Variants in UNC13D observed in about 807,000 individuals in gnomAD.
UNC13D encodes protein unc-13 homolog D.
Under a neutral mutation model 151.7 loss-of-function variants are expected in UNC13D, and 115 were observed. The observed-to-expected ratio is 0.76, with a 90% CI of 0.65 to 0.88. UNC13D has a LOEUF of 0.88. UNC13D is among the 40% of genes least tolerant of loss of function. The pLI is 0.00. For missense variants in UNC13D, 1,369 were observed against 1,438.7 expected (o/e 0.95, Z 0.78); for synonymous variants, 588 against 612.2 (o/e 0.96, Z 0.58).
chr17:75,831,200 A>T (rs760788311), intron 26 of UNC13D, 31 bp from the exon 27 acceptor site: 1 of 1,613,694 alleles, frequency 6.2e-7, no homozygotes, highest in Non-Finnish European at 8.5e-7. Flanking sequence ...GACCCCAGGC[A>T]CCCTCCCACC....
At position 75,834,718 on chromosome 17, in the gene UNC13D, T is replaced by G; in HGVS notation, c.1993-2A>C. On this transcript the variant is annotated splice_acceptor_variant, in intron 21 of 31. Transcript: ENST00000207549. LOFTEE classifies it high-confidence loss of function. ...CACCAGGGCCAGGCGACAGGTGTCC[T>G]AGGGTGGGGTTGGACAGAGGGAACT... The G allele has an allele frequency of 6.2e-7, 1 of 1,613,316 alleles. No homozygotes were observed. Among genetic ancestry groups the G allele is most frequent in the Non-Finnish European group, 8.5e-7 (1 of 1,179,912 alleles).
In UNC13D at chr17:75,843,233, C is replaced by G; in HGVS notation, c.187G>C (p.Val63Leu). 1 of 1,610,868 alleles carries G rather than the reference C, an allele frequency of 6.2e-7. No homozygotes were observed. Among genetic ancestry groups the G allele is most frequent in the Non-Finnish European group, 8.5e-7 (1 of 1,179,956 alleles). The change falls in exon 3 of 32, where the codon GTC becomes CTC. Residue 63 changes from valine (V) to leucine (L), a missense_variant. By Grantham distance (32) the Val-to-Leu change is conservative. Around this residue, in one of 3 missense-constraint regions of UNC13D, gnomAD observed 550 missense variants for 609.0 expected, o/e 0.90. Transcript: ENST00000207549. Reference protein sequence around the residue: ...ALLYEDALYTVLHRLGHPEPN... With the variant: ...ALLYEDALYTLLHRLGHPEPN... ...TCAGGATGACCCAGGCGGTGCAAGA[C>G]AGTGTAGAGTGCGTCCTCGTAGAGC...
Position 75,842,573 on chromosome 17 carries a change from C to A in UNC13D, c.429G>T (p.Gly143=). 6.2e-7 allele frequency: 1 copy of A among 1,611,596 alleles called. No homozygotes were observed. The highest frequency in any genetic ancestry group is 2.2e-5 in the East Asian group (1 of 44,858). ...DPYCLLGIEQ[G]VGVPGGSPGS... is the part of the protein sequence containing the mutation. Reference sequence around the variant, plus strand: ...CGGGGCTGCCCCCTGGCACACCTACCCCCTGCTCAATGCCCAGCAGGCAGT... The same window carrying A: ...CGGGGCTGCCCCCTGGCACACCTACACCCTGCTCAATGCCCAGCAGGCAGT... The change falls in exon 6 of 32, where the codon GGG becomes GGT. Residue 143 remains glycine, a synonymous_variant. Transcript: ENST00000207549.
intron 5 of UNC13D, 60 bp downstream of exon 5, chr17:75,842,797 C>A: frequency 6.2e-7 from 1 of 1,608,200 alleles, no homozygotes; most frequent in Non-Finnish European, 8.5e-7. Context: ...CTGGGCCAGG[C>A]TGTGATGGGA....
At chr17:75,837,023 G>T (rs1404945539) in intron 12 of UNC13D, 105 bp from the exon 13 acceptor site, 5 of 513,206 alleles carry the variant, frequency 9.7e-6, no homozygotes, top group Non-Finnish European at 1.4e-5. Flanking sequence ...ACCAGTACAG[G>T]CTGAAAACTA....
chr17:75,836,927 G>T lies in UNC13D; in HGVS notation c.1056-9C>A, dbSNP rs1259170363. 4 of 1,611,812 alleles carry T rather than the reference G, an allele frequency of 2.5e-6. No individual in the cohort carries two copies. Among genetic ancestry groups the T allele is most frequent in the Admixed American group, 1.7e-5 (1 of 59,998 alleles). On this transcript the variant is annotated splice_polypyrimidine_tract_variant and intron_variant, in intron 12 of 31. Coordinates refer to ENST00000207549, the MANE Select transcript of UNC13D (RefSeq NM_199242.3). The stretch of plus-strand genomic sequence containing the variant: ...TGTAGGCCAGCCACTGCCTGCAGGG[G>T]ACAGGAAGCCCTCAGCTGGACAGGG...
chr17:75,828,646 C>T (rs954015648), intron 31 of UNC13D, 141 bp downstream of exon 31: 19 of 958,160 alleles, frequency 2.0e-5, no homozygotes, highest in East Asian at 5.7e-5. Flanking sequence ...TTGATTAGAC[C>T]GAGAGATGGG....
intron 30 of UNC13D, among the ~76,000 whole-genome samples, chr17:75,829,239 C>A (rs1431648379): frequency 6.6e-6 from 1 of 152,242 alleles, no homozygotes; most frequent in Admixed American, 6.5e-5. Flanking sequence ...AGAGACAGGA[C>A]CCTTCCCTGG....
In UNC13D at chr17:75,843,025, T is replaced by C. The variant is rs1370559593; in HGVS notation, c.310A>G (p.Arg104Gly). 2 of 1,609,904 alleles carry C rather than the reference T, an allele frequency of 1.2e-6. No homozygotes were observed. Among genetic ancestry groups the C allele is most frequent in the Non-Finnish European group, 1.7e-6 (2 of 1,179,002 alleles). Residue 104 changes from arginine (R) to glycine (G), a missense_variant, in exon 4 of 32, where the codon AGG (arginine) becomes GGG (glycine). Around this residue, in one of 3 missense-constraint regions of UNC13D, gnomAD observed 550 missense variants for 609.0 expected, o/e 0.90. Coordinates refer to ENST00000207549, the MANE Select transcript of UNC13D (RefSeq NM_199242.3). ...TGGCCCCAGGTTACCTCAAGCTCCC[T>C]GACCCGCTGCAGTGTCTGCTGGTGC... Reference protein sequence around the residue: ...EEHQQTLQRVRELEKPIFCLK... With the variant: ...EEHQQTLQRVGELEKPIFCLK...
chr17:75,842,622 G>T lies in UNC13D; in HGVS notation c.389-9C>A, dbSNP rs946234751. 4 of 1,611,176 alleles carry T rather than the reference G, an allele frequency of 2.5e-6. No individual in the cohort carries two copies. Among genetic ancestry groups the T allele is most frequent in the Non-Finnish European group, 3.4e-6 (4 of 1,179,850 alleles). ...GTAGGGGTCGCTGAACCCTGTGGAG[G>T]AGTGGGGAAGACGAGGCAGCCAGGG... On this transcript the variant is annotated splice_polypyrimidine_tract_variant and intron_variant, in intron 5 of 31. Coordinates refer to ENST00000207549, the MANE Select transcript of UNC13D (RefSeq NM_199242.3).
Position 75,830,679 on chromosome 17 carries a change from T to C in UNC13D, c.2626-18A>G. 6.4e-7 allele frequency: 1 copy of C among 1,553,382 alleles called. No individual in the cohort carries two copies. The highest frequency in any genetic ancestry group is 8.7e-7 in the Non-Finnish European group (1 of 1,148,780). On this transcript the variant is annotated intron_variant, in intron 27 of 31. Coordinates refer to ENST00000207549, the MANE Select transcript of UNC13D (RefSeq NM_199242.3). ...TGCAGAGCCTGGGAACACATACAGC[T>C]GAGGATCCACCTGGACTGCACGCCC...
At position 75,834,722 on chromosome 17, in the gene UNC13D, G is replaced by A. The variant is rs2064895196; in HGVS notation, c.1993-6C>T. On this transcript the variant is annotated splice_region_variant and splice_polypyrimidine_tract_variant and intron_variant, in intron 21 of 31. Transcript: ENST00000207549. Reference sequence around the variant, plus strand: ...AGGGCCAGGCGACAGGTGTCCTAGGGTGGGGTTGGACAGAGGGAACTGATC... The same window carrying A: ...AGGGCCAGGCGACAGGTGTCCTAGGATGGGGTTGGACAGAGGGAACTGATC... 6.2e-7 allele frequency: 1 copy of A among 1,613,470 alleles called. No homozygotes were observed. Among genetic ancestry groups the A allele is most frequent in the Non-Finnish European group, 8.5e-7 (1 of 1,179,948 alleles).
chr17:75,829,961 C>A, intron 30 of UNC13D, 67 bp downstream of exon 30: 1 of 1,553,388 alleles, frequency 6.4e-7, no homozygotes, highest in Non-Finnish European at 8.7e-7. Flanking sequence ...CCAGGAGGAG[C>A]AGGCCTGAGG....
chr17:75,843,909 G>T, intron 1 of UNC13D: 1 of 1,376,494 alleles, frequency 7.3e-7, no homozygotes, highest in South Asian at 1.6e-5. Context: ...TCACCCCACA[G>T]CAGGGACACC....
intron 5 of UNC13D, 92 bp downstream of exon 5, chr17:75,842,765 G>A: frequency 6.3e-7 from 1 of 1,594,930 alleles, no homozygotes; most frequent in Non-Finnish European, 8.6e-7. Flanking sequence ...CTTCTTGGAA[G>A]TGGGTGCTCC....
chr17:75,844,137 G>A (rs1339174932), intron 1 of UNC13D, 84 bp downstream of exon 1: 4 of 1,557,228 alleles, frequency 2.6e-6, no homozygotes, highest in South Asian at 1.1e-5. Flanking sequence ...GCCTTCGAGA[G>A]GTGGGGCCAG....
intron 30 of UNC13D, 72 bp from the exon 31 acceptor site, chr17:75,829,055 A>G: frequency 6.5e-7 from 1 of 1,547,210 alleles, no homozygotes; most frequent in Non-Finnish European, 8.7e-7. Flanking sequence ...GGGTTCACCC[A>G]CTTGGTGTTG....
rs2143870536 is a variant in UNC13D at position 75,832,764 on chromosome 17, C to G, written c.2447+202G>C. 1.8e-6 allele frequency: 1 copy of G among 560,500 alleles called. No homozygotes were observed. Among genetic ancestry groups the G allele is most frequent in the Non-Finnish European group, 3.3e-6 (1 of 306,024 alleles). The allele number at this position is 560,500 out of a possible 1,614,324, so 34.7% of individuals were successfully genotyped here. A position where few individuals can be genotyped will look rare whatever the true frequency, so the allele number is the denominator to read the frequency against. ...CCTGTTGCACCCATAAGGGAGGTCA[C>G]CAAAGGGATTCACCTCCACCCCTCA... On this transcript the variant is annotated intron_variant, in intron 25 of 31. Coordinates refer to ENST00000207549, the MANE Select transcript of UNC13D (RefSeq NM_199242.3). This position sits in a 1 kb window ranked among gnomAD's most constrained non-coding sequence, Gnocchi z 4.3.
At chr17:75,831,380 C>A (rs769901543) in intron 25 of UNC13D, 32 bp from the exon 26 acceptor site, 1 of 1,587,192 alleles carries the variant, frequency 6.3e-7, no homozygotes, top group Non-Finnish European at 8.6e-7. Flanking sequence ...GCGGACACAG[C>A]ACGGCAGGGC....
Sources: allele counts gnomAD v4.1 joint callset (sites outside exome capture counted in the v4.1 genomes callset), GRCh38; gene constraint gnomAD v4.1.1; regional missense constraint gnomAD v4.1.1; non-coding constraint Gnocchi (gnomAD v3.1); transcripts MANE v1.5; gene names NCBI Gene and HGNC (gene_info 2026-07-23, HGNC 2026-07-21).